The following DNAJC3 variants were observed in gnomAD, a reference collection of about 807,000 sequenced individuals.
DNAJC3 encodes DnaJ heat shock protein family (Hsp40) member C3.
DNAJC3 carries 38 observed loss-of-function variants against 68.6 expected under a neutral mutation model. The ratio of observed to expected loss-of-function variants is 0.55; its 90% CI spans 0.43 to 0.73. DNAJC3 has a LOEUF of 0.73. Ranked by LOEUF, DNAJC3 falls within the 30% of genes least tolerant of loss-of-function variation. DNAJC3 has a pLI of 0.00. For missense variants in DNAJC3, 526 were observed against 591.9 expected, an observed-to-expected ratio of 0.89 and a Z score of 1.16; for synonymous variants, 203 against 204.0, an observed-to-expected ratio of 1.00 and a Z score of 0.04.
At chr13:95,714,714 G>A (rs548191425) in intron 2 of DNAJC3, among the ~76,000 whole-genome samples, 1 of 152,286 alleles carries the variant, frequency 6.6e-6, no homozygotes, top group South Asian at 2.1e-4. Flanking sequence ...GCTTCAGCAT[G>A]GCAATTTAAA....
intron 4 of DNAJC3, among the ~76,000 whole-genome samples, chr13:95,735,202 T>G (rs1417917610): frequency 2.2e-5 from 3 of 136,546 alleles, no homozygotes; most frequent in Non-Finnish European, 4.7e-5. Context: ...TGCCACATTT[T>G]CTTAATCCAG....
At chr13:95,733,987 C>G (rs1414966508) in intron 4 of DNAJC3, among the ~76,000 whole-genome samples, 1 of 152,008 alleles carries the variant, frequency 6.6e-6, no homozygotes, top group Non-Finnish European at 1.5e-5. Flanking sequence ...AGATTTCATC[C>G]TGGTCATATT....
intron 3 of DNAJC3, among the ~76,000 whole-genome samples, chr13:95,724,662 T>C (rs1255649698): frequency 6.6e-6 from 1 of 152,176 alleles, no homozygotes; most frequent in African/African-American, 2.4e-5. Flanking sequence ...CTATTAGCGG[T>C]CACTCCCCAT....
chr13:95,728,863 A>G (rs1481765174), intron 4 of DNAJC3, among the ~76,000 whole-genome samples: 1 of 151,928 alleles, frequency 6.6e-6, no homozygotes, highest in Non-Finnish European at 1.5e-5. Context: ...ATTGTTAACT[A>G]CCCTACTTTG....
intron 9 of DNAJC3, among the ~76,000 whole-genome samples, chr13:95,769,390 G>C (rs937478603): frequency 2.4e-4 from 36 of 152,300 alleles, no homozygotes; most frequent in South Asian, 1.0e-3. Flanking sequence ...AAGGGGTAGA[G>C]ATTGGTCTTT....
intron 7 of DNAJC3, among the ~76,000 whole-genome samples, chr13:95,763,373 T>G (rs1882879726): frequency 6.6e-6 from 1 of 152,222 alleles, no homozygotes; most frequent in Non-Finnish European, 1.5e-5. Flanking sequence ...GTAAGGAAAT[T>G]CTTCTGGTTT....
chr13:95,733,561 A>T (rs551077511), intron 4 of DNAJC3, among the ~76,000 whole-genome samples: 2 of 152,010 alleles, frequency 1.3e-5, no homozygotes, highest in South Asian at 4.2e-4. Context: ...CACCACATCC[A>T]GCTAATTTTT....
chr13:95,735,162 A>G (rs1246519977), intron 4 of DNAJC3, among the ~76,000 whole-genome samples: 1 of 146,876 alleles, frequency 6.8e-6, no homozygotes, highest in Non-Finnish European at 1.5e-5. Context: ...ATCATTGTTT[A>G]TGGCTGCATA....
intron 1 of DNAJC3, among the ~76,000 whole-genome samples, chr13:95,684,610 A>T (rs183668040): frequency 1.1e-4 from 16 of 152,340 alleles, no homozygotes; most frequent in Admixed American, 9.8e-4. Context: ...CCAAGTGCTG[A>T]TAGCCAAGAC....
chr13:95,701,133 G>A (rs189135449), intron 1 of DNAJC3, among the ~76,000 whole-genome samples: 1 of 152,284 alleles, frequency 6.6e-6, no homozygotes, highest in East Asian at 1.9e-4. Context: ...AATCCCCCGA[G>A]GGCTGTCCAG....
chr13:95,686,493 T>C (rs1343221199), intron 1 of DNAJC3, among the ~76,000 whole-genome samples: 3 of 152,250 alleles, frequency 2.0e-5, no homozygotes, highest in African/African-American at 7.2e-5. Flanking sequence ...GTCTTCGTCA[T>C]AAGTTGTTTG....
chr13:95,731,889 C>G (rs1014861270), intron 4 of DNAJC3, among the ~76,000 whole-genome samples: 1 of 150,898 alleles, frequency 6.6e-6, no homozygotes, highest in African/African-American at 2.5e-5. Flanking sequence ...TGTGCATCAC[C>G]ACGCCTGGCT....
chr13:95,726,625 G>T (rs1405025527), intron 4 of DNAJC3, among the ~76,000 whole-genome samples: 1 of 152,106 alleles, frequency 6.6e-6, no homozygotes, highest in Non-Finnish European at 1.5e-5. Flanking sequence ...TACAGATTTT[G>T]TGTCATTGAA....
chr13:95,758,588 A>G (rs1483160227), intron 5 of DNAJC3, among the ~76,000 whole-genome samples: 1 of 150,460 alleles, frequency 6.6e-6, no homozygotes, highest in Admixed American at 6.6e-5. Context: ...ACTACACTGT[A>G]GCCTGGGCCA....
At chr13:95,785,211 C>T (rs536619218) in intron 9 of DNAJC3, among the ~76,000 whole-genome samples, 10 of 152,066 alleles carry the variant, frequency 6.6e-5, no homozygotes, top group Admixed American at 5.9e-4. Context: ...TTCTTCTGGA[C>T]TGTTGTCAAT....
chr13:95,741,365 T>G (rs909103893), intron 4 of DNAJC3, among the ~76,000 whole-genome samples: 2 of 152,198 alleles, frequency 1.3e-5, no homozygotes, highest in African/African-American at 4.8e-5. Flanking sequence ...CTTCAGTGGC[T>G]TAGGGTGCAG....
chr13:95,709,404 A>G, intron 2 of DNAJC3, 67 bp downstream of exon 2: 1 of 1,077,434 alleles, frequency 9.3e-7, no homozygotes, highest in Non-Finnish European at 1.3e-6. Flanking sequence ...CTCTTTTTTT[A>G]AAAATAACAT....
chr13:95,756,710 TAGTA>T (rs1312942675), intron 4 of DNAJC3, among the ~76,000 whole-genome samples: 4 of 152,192 alleles, frequency 2.6e-5, no homozygotes, highest in Non-Finnish European at 5.9e-5. Flanking sequence ...GTTTGCATCT[TAGTA>T]AGAATATTAA....
chr13:95,687,686 A>G lies in DNAJC3; in HGVS notation c.82+10349A>G, dbSNP rs576367554. Among the ~76,000 whole-genome samples the G allele has an allele frequency of 2.0e-5, 3 of 152,344 alleles. No homozygotes were observed. In the East Asian group the frequency reaches 5.8e-4, roughly 29 times the overall value. On this transcript the variant is annotated intron_variant, in intron 1 of 11. Transcript: ENST00000602402. ...GTCTTGGTTACTGTAGCCTTATAGTATAGTGTGAAGTTGGGTAATGTGATA... is the reference window on the plus strand; with the variant it reads ...GTCTTGGTTACTGTAGCCTTATAGTGTAGTGTGAAGTTGGGTAATGTGATA...
Sources: allele counts gnomAD v4.1 joint callset (sites outside exome capture counted in the v4.1 genomes callset), GRCh38; gene constraint gnomAD v4.1.1; transcripts MANE v1.5; gene names NCBI Gene and HGNC (gene_info 2026-07-23, HGNC 2026-07-21).